The following DYNC2H1 variants were observed in gnomAD, a reference collection of about 807,000 sequenced individuals.
The protein encoded by DYNC2H1 is dynein cytoplasmic 2 heavy chain 1, also known as cytoplasmic dynein 2 heavy chain 1.
Under a neutral mutation model 570.0 loss-of-function variants are expected in DYNC2H1, and 410 were observed. The ratio of observed to expected loss-of-function variants is 0.72; its 90% CI spans 0.66 to 0.78. The LOEUF (loss-of-function observed/expected upper bound fraction) is 0.78. DYNC2H1 is among the 30% of genes least tolerant of loss of function. The pLI, the probability that DYNC2H1 is intolerant of heterozygous loss-of-function variation, is 0.00. For missense variants in DYNC2H1, 4,865 were observed against 5,046.4 expected, an observed-to-expected ratio of 0.96 and a Z score of 1.09; for synonymous variants, 1,688 against 1,677.6, an observed-to-expected ratio of 1.01 and a Z score of -0.15.
intron 54 of DYNC2H1, 79 bp downstream of exon 54, chr11:103,212,022 G>A (rs951471454): frequency 2.3e-6 from 3 of 1,302,160 alleles, no homozygotes; most frequent in African/African-American, 1.5e-5. Flanking sequence ...CTATGTTGCG[G>A]GTGGCATATA....
Position 103,203,560 on chromosome 11 carries a change from A to G in DYNC2H1, c.8198-103A>G, listed in dbSNP as rs541084439. On this transcript the variant is annotated intron_variant, in intron 50 of 88. Transcript: ENST00000375735. This position sits in a 1 kb window ranked among gnomAD's most constrained non-coding sequence, Gnocchi z 4.7. ...CAAGTAGAGGTAATAAAGTTTGTATATTTTTGGAAATAAAGATTGAATAAG... is the reference window on the plus strand; with the variant it reads ...CAAGTAGAGGTAATAAAGTTTGTATGTTTTTGGAAATAAAGATTGAATAAG... 26 of 689,352 alleles carry G rather than the reference A, an allele frequency of 3.8e-5. No individual in the cohort carries two copies. The African/African-American group carries it at 4.2e-4, about 11-fold the overall frequency. 42.7% of individuals were successfully genotyped at this position (689,352 alleles called of 1,614,324 possible). A position where few individuals can be genotyped will look rare whatever the true frequency, so the allele number is the denominator to read the frequency against.
rs1862866321 is a variant in DYNC2H1 at position 103,204,888 on chromosome 11, G to A, written c.8378G>A (p.Cys2793Tyr). The A allele has an allele frequency of 1.3e-6, 2 of 1,593,372 alleles. No homozygotes were observed. Among genetic ancestry groups the A allele is most frequent in the Non-Finnish European group, 1.7e-6 (2 of 1,168,630 alleles). The change falls in exon 52 of 89, where the codon TGT becomes TAT. Residue 2793 changes from cysteine (C) to tyrosine (Y), a missense_variant. Transcript: ENST00000375735. The surrounding 1 kb of genome is among the most constrained non-coding windows in gnomAD (Gnocchi z 4.1). Reference protein sequence around the residue: ...DSANSNFMINCESNPALHKKC... With the variant: ...DSANSNFMINYESNPALHKKC... Reference sequence around the variant, plus strand: ...GCAAATTCAAACTTCATGATAAACTGTGAGAGTAATCCAGCTTTGCATAAG... The same window carrying A: ...GCAAATTCAAACTTCATGATAAACTATGAGAGTAATCCAGCTTTGCATAAG...
intron 73 of DYNC2H1, 126 bp from the exon 74 acceptor site, chr11:103,286,129 A>C: frequency 7.8e-7 from 1 of 1,283,800 alleles, no homozygotes; most frequent in Non-Finnish European, 1.1e-6. Flanking sequence ...TAGACAAGGC[A>C]ACACAAAGTA....
At chr11:103,143,122 C>T (rs1241905291) in intron 17 of DYNC2H1, 146 bp from the exon 18 acceptor site, 3 of 682,910 alleles carry the variant, frequency 4.4e-6, no homozygotes, top group African/African-American at 1.8e-5. Context: ...TTAGGCTGTG[C>T]AGTAATGATT....
At position 103,135,894 on chromosome 11, in the gene DYNC2H1, C is replaced by T; in HGVS notation, c.2520C>T (p.Phe840=). 6.2e-7 allele frequency: 1 copy of T among 1,612,920 alleles called. No individual in the cohort carries two copies. Among genetic ancestry groups the T allele is most frequent in the African/African-American group, 1.3e-5 (1 of 75,014 alleles). Residue 840 remains phenylalanine (F), a synonymous_variant, in exon 17 of 89, where the codon TTC becomes TTT. Coordinates refer to ENST00000375735, the MANE Select transcript of DYNC2H1 (RefSeq NM_001377.3). The stretch of plus-strand genomic sequence containing the variant: ...ATGCAAGTGGATTTTTGACGATTTT[C>T]AGCAAAGCAGAAGATCTGTTTAGAA... ...DRNASGFLTI[F]SKAEDLFRRL...
In DYNC2H1 at chr11:103,323,997, T is replaced by C. The variant is rs1304645622; in HGVS notation, c.12039+7T>C. On this transcript the variant is annotated splice_region_variant and intron_variant, in intron 82 of 88. Coordinates refer to ENST00000375735, the MANE Select transcript of DYNC2H1 (RefSeq NM_001377.3). ...GCGCATGATCAGTTCTCAGGTAACC[T>C]AAAAAAAAGATCTACCTTCAAAAAA... The C allele has an allele frequency of 1.9e-6, 3 of 1,564,462 alleles. No individual in the cohort carries two copies. Among genetic ancestry groups the C allele is most frequent in the South Asian group, 2.5e-5 (2 of 80,272 alleles).
intron 42 of DYNC2H1, 118 bp from the exon 43 acceptor site, chr11:103,187,222 A>G (rs1420913956): frequency 2.9e-6 from 4 of 1,381,274 alleles, no homozygotes; most frequent in East Asian, 2.5e-5. Flanking sequence ...CATTTTTCCT[A>G]TCATCATATA....
intron 30 of DYNC2H1, 83 bp from the exon 31 acceptor site, chr11:103,165,815 A>G (rs1861282191): frequency 2.5e-6 from 3 of 1,187,554 alleles, no homozygotes; most frequent in Non-Finnish European, 2.3e-6. Flanking sequence ...TGGCTATTTG[A>G]AAAAAGGTGC....
Position 103,199,267 on chromosome 11 carries a change from A to C in DYNC2H1, c.7879A>C (p.Ile2627Leu), listed in dbSNP as rs751745945. The change falls in exon 49 of 89, where the codon ATT becomes CTT. Residue 2627 changes from isoleucine to leucine, a missense_variant. Ile to Leu is a conservative substitution (Grantham distance 5, BLOSUM62 2). Coordinates refer to ENST00000375735, the MANE Select transcript of DYNC2H1 (RefSeq NM_001377.3). This position sits in a 1 kb window ranked among gnomAD's most constrained non-coding sequence, Gnocchi z 4.6. Reference protein sequence around the residue: ...HYGRDNQNLDILLFHEVLEYM... With the variant: ...HYGRDNQNLDLLLFHEVLEYM... Reference sequence around the variant, plus strand: ...TGGACGAGATAACCAGAATTTAGACATTTTACTTTTCCACGAAGTCTTGGA... The same window carrying C: ...TGGACGAGATAACCAGAATTTAGACCTTTTACTTTTCCACGAAGTCTTGGA... The C allele has an allele frequency of 2.6e-5, 42 of 1,607,354 alleles. No individual in the cohort carries two copies. Among genetic ancestry groups the C allele is most frequent in the Non-Finnish European group, 3.4e-5 (40 of 1,177,334 alleles).
intron 63 of DYNC2H1, among the ~76,000 whole-genome samples, chr11:103,237,738 T>TG (rs1555077603): frequency 6.8e-6 from 1 of 147,920 alleles, no homozygotes; most frequent in Admixed American, 6.8e-5. Context: ...GATTGCAAAT[T>TG]AAAAAAAAAA....
chr11:103,441,916 GGAA>G (rs1315460029), intron 85 of DYNC2H1, among the ~76,000 whole-genome samples: 2 of 152,034 alleles, frequency 1.3e-5, no homozygotes, highest in Non-Finnish European at 2.9e-5. Context: ...CTGCATTTCT[GGAA>G]GAGTGTATTA....
chr11:103,468,811 A>G (rs944713263), intron 88 of DYNC2H1, 106 bp downstream of exon 88: 11 of 823,790 alleles, frequency 1.3e-5, no homozygotes, highest in African/African-American at 1.2e-4. Context: ...TTGCTTTCTA[A>G]TCTCACCTGC....
At chr11:103,332,451 CCT>C (rs1442721211) in intron 82 of DYNC2H1, among the ~76,000 whole-genome samples, 4 of 152,042 alleles carry the variant, frequency 2.6e-5, no homozygotes, top group African/African-American at 7.2e-5. Flanking sequence ...ACCACCTCAC[CCT>C]CTCTTAAAAA....
At chr11:103,266,452 C>T (rs573384639) in intron 70 of DYNC2H1, among the ~76,000 whole-genome samples, 3 of 152,172 alleles carry the variant, frequency 2.0e-5, no homozygotes, top group South Asian at 4.2e-4. Flanking sequence ...CTTCTCTTCT[C>T]TGCACTTAGT....
Position 103,163,176 on chromosome 11 carries a change from T to C in DYNC2H1, c.4611+29T>C, listed in dbSNP as rs759346069. ...AGGGGGCTTACGTGTAGAAGCTACA[T>C]AGGCATGGAACGTGGAAAGATCCCT... On this transcript the variant is annotated intron_variant, in intron 30 of 88. Coordinates refer to ENST00000375735, the MANE Select transcript of DYNC2H1 (RefSeq NM_001377.3). This position sits in a 1 kb window ranked among gnomAD's most constrained non-coding sequence, Gnocchi z 4.6. 1.5e-5 allele frequency: 24 copies of C among 1,595,964 alleles called. No individual in the cohort carries two copies. Among genetic ancestry groups the C allele is most frequent in the African/African-American group, 2.7e-5 (2 of 74,292 alleles).
intron 26 of DYNC2H1, among the ~76,000 whole-genome samples, chr11:103,158,186 G>A (rs1189621880): frequency 2.6e-5 from 4 of 152,340 alleles, no homozygotes; most frequent in African/African-American, 7.2e-5. Flanking sequence ...GGTGGCTCAC[G>A]CCTGTAATCC....
rs547357342 is a variant in DYNC2H1, at chr11:103,202,097, G to A, written c.8198-1566G>A. Among the ~76,000 whole-genome samples, 5 of 152,216 alleles carry A rather than the reference G, an allele frequency of 3.3e-5. No homozygotes were observed. In the South Asian group the frequency reaches 6.2e-4, roughly 19 times the overall value. ...GTGCCCAGATGAGAAATACAGACCAGGATGCTCTAATTAGACAAGTGGTAG... is the reference window on the plus strand; with the variant it reads ...GTGCCCAGATGAGAAATACAGACCAAGATGCTCTAATTAGACAAGTGGTAG... On this transcript the variant is annotated intron_variant, in intron 50 of 88. Coordinates refer to ENST00000375735, the MANE Select transcript of DYNC2H1 (RefSeq NM_001377.3).
At chr11:103,303,496 C>T (rs1867137608) in intron 76 of DYNC2H1, among the ~76,000 whole-genome samples, 2 of 151,970 alleles carry the variant, frequency 1.3e-5, no homozygotes, top group African/African-American at 2.4e-5. Context: ...AATATAAAAT[C>T]ACAAAGGTTT....
At position 103,170,470 on chromosome 11, in the gene DYNC2H1, C is replaced by G. The variant is rs965066907; in HGVS notation, c.5151+180C>G. ...GTACGTAGTATAGTCCAAAACTTTT[C>G]TAAGAATTATGGCAAAGAAATAATT... On this transcript the variant is annotated intron_variant, in intron 33 of 88. Coordinates refer to ENST00000375735, the MANE Select transcript of DYNC2H1 (RefSeq NM_001377.3). This position sits in a 1 kb window ranked among gnomAD's most constrained non-coding sequence, Gnocchi z 4.8. Among the ~76,000 whole-genome samples, 1 of 152,038 alleles carries G rather than the reference C, an allele frequency of 6.6e-6. No homozygotes were observed. The highest frequency in any genetic ancestry group is 2.4e-5 in the African/African-American group (1 of 41,398).
Sources: gnomAD v4.1 joint callset for allele counts (sites outside exome capture counted in the v4.1 genomes callset) on GRCh38, gnomAD v4.1.1 for gene constraint, Gnocchi (gnomAD v3.1) non-coding constraint, MANE v1.5 for transcripts, NCBI Gene and HGNC (gene_info 2026-07-23, HGNC 2026-07-21) for gene names.